MAGI3: variants seen among roughly 807,000 people sequenced by gnomAD.
MAGI3 encodes the protein membrane associated guanylate kinase, WW and PDZ domain containing 3, also known as membrane-associated guanylate kinase, WW and PDZ domain-containing protein 3.
A neutral mutation model predicts 121.8 loss-of-function variants in MAGI3; 43 were observed. The observed-to-expected ratio is 0.35, with a 90% CI of 0.28 to 0.46. The LOEUF (loss-of-function observed/expected upper bound fraction) is 0.46, where lower values mean the gene tolerates loss of function less well. Among genes scored for constraint, MAGI3 ranks in the 20% least tolerant of loss-of-function variants. The probability of loss-of-function intolerance (pLI) is 1.00; values close to 1 mark genes in which losing one functional copy is unlikely to be tolerated. For missense variants in MAGI3, 1,547 were observed against 1,797.3 expected (o/e 0.86, Z 2.52); for synonymous variants, 553 against 639.3 (o/e 0.86, Z 2.04).
At chr1:113,556,010 T>C (rs936459725) in intron 2 of MAGI3, among the ~76,000 whole-genome samples, 1 of 152,122 alleles carries the variant, frequency 6.6e-6, no homozygotes, top group African/African-American at 2.4e-5. Context: ...ATTACACATA[T>C]CAACCAACAA....
At chr1:113,646,730 C>T in intron 12 of MAGI3, 88 bp downstream of exon 12, 1 of 1,068,336 alleles carries the variant, frequency 9.4e-7, no homozygotes, top group Non-Finnish European at 1.3e-6. Flanking sequence ...CTTTCAGAAG[C>T]ATATTGAAAA....
Position 113,646,508 on chromosome 1 carries a change from C to T in MAGI3, c.2021C>T (p.Ala674Val), listed in dbSNP as rs750922402. The change falls in exon 12 of 21, where the codon GCA becomes GTA. Residue 674 changes from alanine (A) to valine (V), a missense_variant. Physicochemically the swap from Ala to Val is moderately conservative, Grantham distance 64. Transcript: ENST00000307546. ...CAGAAAACAGATAAAAAGGAAAATGCAGGAAGTTTGGAGGCCATAAATGAG... is the reference window on the plus strand; with the variant it reads ...CAGAAAACAGATAAAAAGGAAAATGTAGGAAGTTTGGAGGCCATAAATGAG... The part of the protein sequence containing the change: ...AKMKTDKKEN[A>V]GSLEAINEPI... 1.2e-6 allele frequency: 2 copies of T among 1,604,026 alleles called. No individual in the cohort carries two copies. Among genetic ancestry groups the T allele is most frequent in the South Asian group, 2.2e-5 (2 of 89,538 alleles).
chr1:113,619,427 CA>C (rs1363981662), intron 7 of MAGI3, among the ~76,000 whole-genome samples: 1 of 152,120 alleles, frequency 6.6e-6, no homozygotes, highest in African/African-American at 2.4e-5. Flanking sequence ...TTACCAAGAA[CA>C]AGTACTTCTG....
intron 1 of MAGI3, among the ~76,000 whole-genome samples, chr1:113,531,831 C>G (rs2101642074): frequency 6.6e-6 from 1 of 152,264 alleles, no homozygotes; most frequent in African/African-American, 2.4e-5. Flanking sequence ...CTTATGCATA[C>G]TGCAGCCACA....
At chr1:113,449,659 G>T in intron 1 of MAGI3, 1 of 748,454 alleles carries the variant, frequency 1.3e-6, no homozygotes. Context: ...TCAGTATATC[G>T]ATATTGAACT....
At chr1:113,671,984 C>T (rs1331310663) in intron 17 of MAGI3, 148 bp downstream of exon 17, 1 of 697,752 alleles carries the variant, frequency 1.4e-6, no homozygotes, top group East Asian at 2.7e-5. Context: ...CTTGCCTGTT[C>T]CTCAAATACC....
rs535934870 is a variant in MAGI3 at position 113,681,223 on chromosome 1, A to G, written c.3215A>G (p.Asn1072Ser). ...GTTGGTGACCAGATTGTTGAAATCAATGGGGAACCTACACAAGGAATCACA... is the reference window on the plus strand; with the variant it reads ...GTTGGTGACCAGATTGTTGAAATCAGTGGGGAACCTACACAAGGAATCACA... ...IHVGDQIVEI[N>S]GEPTQGITHT... The change falls in exon 20 of 21, where the codon AAT becomes AGT. Residue 1072 changes from asparagine to serine, a missense_variant. Transcript: ENST00000307546. 6.2e-7 allele frequency: 1 copy of G among 1,613,896 alleles called. No individual in the cohort carries two copies. Among genetic ancestry groups the G allele is most frequent in the Non-Finnish European group, 8.5e-7 (1 of 1,179,972 alleles).
At chr1:113,615,522 T>A (rs1650406537) in intron 7 of MAGI3, among the ~76,000 whole-genome samples, 1 of 152,210 alleles carries the variant, frequency 6.6e-6, no homozygotes, top group African/African-American at 2.4e-5. Context: ...TCAACACTTA[T>A]AGGCATAAAC....
At position 113,521,153 on chromosome 1, in the gene MAGI3, C is replaced by T. The variant is rs542346786; in HGVS notation, c.317-28362C>T. Among the ~76,000 whole-genome samples the T allele has an allele frequency of 8.7e-5, 13 of 149,400 alleles. No homozygotes were observed. The South Asian group carries it at 2.8e-3, about 32-fold the overall frequency. On this transcript the variant is annotated intron_variant, in intron 1 of 20. Coordinates refer to ENST00000307546, the MANE Select transcript of MAGI3 (RefSeq NM_001142782.2). ...CCAGGCTGGAGTGCAGTGGCTCAATCTCGGCTCACTGCAACCTCCGCCTCC... is the reference window on the plus strand; with the variant it reads ...CCAGGCTGGAGTGCAGTGGCTCAATTTCGGCTCACTGCAACCTCCGCCTCC...
intron 4 of MAGI3, 145 bp downstream of exon 4, chr1:113,585,741 C>A: frequency 1.5e-6 from 1 of 683,156 alleles, no homozygotes; most frequent in Non-Finnish European, 2.5e-6. Context: ...GTATGTGGAG[C>A]AAAGTGTATT....
intron 6 of MAGI3, among the ~76,000 whole-genome samples, chr1:113,612,353 T>C (rs552008272): frequency 5.3e-5 from 8 of 152,324 alleles, no homozygotes; most frequent in African/African-American, 1.9e-4. Flanking sequence ...ATCTTATCAT[T>C]TATCTCTTCT....
intron 2 of MAGI3, among the ~76,000 whole-genome samples, chr1:113,560,940 C>T (rs1232210012): frequency 6.6e-6 from 1 of 152,178 alleles, no homozygotes; most frequent in African/African-American, 2.4e-5. Flanking sequence ...AATACCACCA[C>T]TGACCCCACA....
intron 14 of MAGI3, among the ~76,000 whole-genome samples, chr1:113,653,312 A>G (rs1476677452): frequency 6.6e-6 from 1 of 152,202 alleles, no homozygotes; most frequent in Non-Finnish European, 1.5e-5. Context: ...TTTACTATCA[A>G]ATCTCACAGA....
At chr1:113,496,433 A>G (rs887206976) in intron 1 of MAGI3, among the ~76,000 whole-genome samples, 6 of 152,196 alleles carry the variant, frequency 3.9e-5, no homozygotes, top group East Asian at 1.9e-4. Context: ...ATGAAATCCT[A>G]TATGTGTTTG....
intron 1 of MAGI3, among the ~76,000 whole-genome samples, chr1:113,460,710 G>A (rs1216902432): frequency 1.3e-5 from 2 of 152,100 alleles, no homozygotes; most frequent in Non-Finnish European, 2.9e-5. Flanking sequence ...TTGGGAAGCT[G>A]AGGCAGGAGA....
intron 1 of MAGI3, among the ~76,000 whole-genome samples, chr1:113,481,144 TA>T (rs1195802077): frequency 1.3e-5 from 2 of 152,246 alleles, no homozygotes; most frequent in African/African-American, 4.8e-5. Context: ...GTTTTGTTCC[TA>T]ATTTTCCTAG....
intron 1 of MAGI3, among the ~76,000 whole-genome samples, chr1:113,491,547 G>A (rs371670914): frequency 3.0e-4 from 46 of 152,216 alleles, no homozygotes; most frequent in African/African-American, 1.1e-3. Context: ...GAAGGATATG[G>A]AGACATGAAA....
chr1:113,527,016 G>A (rs1658485452), intron 1 of MAGI3, among the ~76,000 whole-genome samples: 1 of 152,098 alleles, frequency 6.6e-6, no homozygotes, highest in Non-Finnish European at 1.5e-5. Context: ...TCATTTTATA[G>A]GATTATTGTG....
chr1:113,453,366 C>T (rs1422524112), intron 1 of MAGI3, among the ~76,000 whole-genome samples: 4 of 152,016 alleles, frequency 2.6e-5, no homozygotes, highest in African/African-American at 7.2e-5. Flanking sequence ...GAATCCTACT[C>T]GATTTTTATA....
Sources: gnomAD v4.1 joint callset for allele counts (sites outside exome capture counted in the v4.1 genomes callset) on GRCh38, gnomAD v4.1.1 for gene constraint, MANE v1.5 for transcripts, NCBI Gene and HGNC (gene_info 2026-07-23, HGNC 2026-07-21) for gene names.